Variants in SUCO observed in about 807,000 individuals in gnomAD.
The protein encoded by SUCO is SUN domain-containing ossification factor.
Under a neutral mutation model 148.1 loss-of-function variants are expected in SUCO, and 57 were observed. The observed-to-expected ratio is 0.38, with a 90% CI of 0.31 to 0.48. The LOEUF is 0.48. SUCO is among the 20% of genes least tolerant of loss of function. SUCO has a pLI of 0.96. For synonymous variants in SUCO, 470 were observed against 502.7 expected, an observed-to-expected ratio of 0.93 and a Z score of 0.87; for missense variants, 1,331 against 1,468.2, an observed-to-expected ratio of 0.91 and a Z score of 1.53.
At position 172,569,019 on chromosome 1, in the gene SUCO, A is replaced by G; in HGVS notation, c.733A>G (p.Ser245Gly). Residue 245 changes from serine to glycine, a missense_variant and splice_region_variant, in exon 7 of 24, where the codon AGC (serine) becomes GGC (glycine). Transcript: ENST00000263688. ...TCTTACTTTTTGGTGTTTCTTTCAG[A>G]GCTCTGATTATACAAAACCAGGAGA... Reference protein sequence around the residue: ...LNASDNLKNESSDYTKPGDID... With the variant: ...LNASDNLKNEGSDYTKPGDID... 1 of 1,562,940 alleles carries G rather than the reference A, an allele frequency of 6.4e-7. No individual in the cohort carries two copies. Among genetic ancestry groups the G allele is most frequent in the Admixed American group, 2.2e-5 (1 of 45,848 alleles).
chr1:172,546,030 ACT>A (rs1652834381), intron 1 of SUCO, among the ~76,000 whole-genome samples: 1 of 151,896 alleles, frequency 6.6e-6, no homozygotes, highest in Admixed American at 6.6e-5. Flanking sequence ...CTCCCTGGGA[ACT>A]GGTGATTTTC....
Position 172,610,344 on chromosome 1 carries a change from G to A in SUCO, c.*85G>A, listed in dbSNP as rs1571308297. The A allele has an allele frequency of 6.9e-7, 1 of 1,445,036 alleles. No homozygotes were observed. Among genetic ancestry groups the A allele is most frequent in the Non-Finnish European group, 9.1e-7 (1 of 1,097,598 alleles). The allele number at this position is 1,445,036 out of a possible 1,614,324, so 89.5% of individuals were successfully genotyped here. ...GTAGTATTTGAAGGGTTTGGGGGAGGGAGAAAATATTAATGGGAAAGGCAT... is the reference window on the plus strand; with the variant it reads ...GTAGTATTTGAAGGGTTTGGGGGAGAGAGAAAATATTAATGGGAAAGGCAT... On this transcript the variant is annotated 3_prime_UTR_variant, in exon 24 of 24. Coordinates refer to ENST00000263688, the MANE Select transcript of SUCO (RefSeq NM_014283.5).
rs943023449 is a variant in SUCO at position 172,611,098 on chromosome 1, C to A, written c.*839C>A. On this transcript the variant is annotated 3_prime_UTR_variant, in exon 24 of 24. Coordinates refer to ENST00000263688, the MANE Select transcript of SUCO (RefSeq NM_014283.5). ...AATAAACACTAATCCTCCAAACTTT[C>A]ACTGTTTTTATTAGTATGAATATAA... The A allele has an allele frequency of 1.3e-5, 2 of 152,600 alleles. No individual in the cohort carries two copies. The highest frequency in any genetic ancestry group is 2.9e-5 in the Non-Finnish European group (2 of 68,036). The allele number at this position is 152,600 out of a possible 1,614,324, so 9.5% of individuals were successfully genotyped here.
At chr1:172,559,226 A>T (rs983543813) in intron 6 of SUCO, among the ~76,000 whole-genome samples, 4 of 152,216 alleles carry the variant, frequency 2.6e-5, no homozygotes, top group African/African-American at 9.7e-5. Flanking sequence ...TAGACAGTGC[A>T]TTACAAAGTG....
At chr1:172,595,918 C>A (rs948184303) in intron 19 of SUCO, among the ~76,000 whole-genome samples, 1 of 152,212 alleles carries the variant, frequency 6.6e-6, no homozygotes, top group Non-Finnish European at 1.5e-5. Flanking sequence ...GTACACCATT[C>A]AAATGTAGAT....
At position 172,589,014 on chromosome 1, in the gene SUCO, C is replaced by T; in HGVS notation, c.1913C>T (p.Ser638Leu). The T allele has an allele frequency of 1.2e-6, 2 of 1,613,176 alleles. No individual in the cohort carries two copies. The highest frequency in any genetic ancestry group is 1.7e-6 in the Non-Finnish European group (2 of 1,179,628). ...TCAGAATACATATATAAATGGTGTT[C>T]AGTTAGAGTTGCTCTTTATCGGCAG... ...SFSEYIYKWCSVRVALYRQRS... is the reference protein window; with the variant it reads ...SFSEYIYKWCLVRVALYRQRS... Residue 638 changes from serine (S) to leucine (L), a missense_variant, in exon 18 of 24, where the codon TCA (serine) becomes TTA (leucine). This residue lies in a region of SUCO where 992 missense variants were observed against 1,093.5 expected (regional missense o/e 0.91). Transcript: ENST00000263688.
Position 172,553,412 on chromosome 1 carries a change from A to G in SUCO, c.288+42A>G, listed in dbSNP as rs777571360. On this transcript the variant is annotated intron_variant, in intron 3 of 23. Coordinates refer to ENST00000263688, the MANE Select transcript of SUCO (RefSeq NM_014283.5). ...TGATTTTCAATAATATGTCATTTCAAACTACTTTACAAGATTGAAAACCTT... is the reference window on the plus strand; with the variant it reads ...TGATTTTCAATAATATGTCATTTCAGACTACTTTACAAGATTGAAAACCTT... The G allele has an allele frequency of 7.8e-6, 11 of 1,405,484 alleles. No homozygotes were observed. In the South Asian group the frequency reaches 1.4e-4, roughly 18 times the overall value. 87.1% of individuals were successfully genotyped at this position (1,405,484 alleles called of 1,614,324 possible).
upstream of SUCO, chr1:172,533,037 A>T (rs1651708147): frequency 4.2e-6 from 6 of 1,433,922 alleles, no homozygotes; most frequent in Non-Finnish European, 4.5e-6. Flanking sequence ...TTTCCAGCTC[A>T]GCGGTGTGTG....
chr1:172,603,099 T>C lies in SUCO; in HGVS notation c.3265+312T>C, dbSNP rs1657639651. 5 of 235,284 alleles carry C rather than the reference T, an allele frequency of 2.1e-5. No homozygotes were observed. In the South Asian group the frequency reaches 3.9e-4, roughly 18 times the overall value. The allele number at this position is 235,284 out of a possible 1,614,324, so 14.6% of individuals were successfully genotyped here. A position where few individuals can be genotyped will look rare whatever the true frequency, so the allele number is the denominator to read the frequency against. On this transcript the variant is annotated intron_variant, in intron 22 of 23. Coordinates refer to ENST00000263688, the MANE Select transcript of SUCO (RefSeq NM_014283.5). ...GAAAGTTCAACAGATATGGAAAACC[T>C]GAATGTGCTCCCATAGCATCCTGTG...
intron 6 of SUCO, among the ~76,000 whole-genome samples, chr1:172,559,803 T>C (rs12731130): frequency 0.19 from 28,485 of 152,116 alleles, 3,133 homozygotes; most frequent in South Asian, 0.27. Context: ...GGTGTTGCTG[T>C]GGCAGTGGTA....
intron 1 of SUCO, chr1:172,541,807 C>T (rs1652477834): frequency 2.1e-6 from 2 of 969,540 alleles, no homozygotes; most frequent in East Asian, 1.1e-4. Flanking sequence ...TTTCTTGGAG[C>T]ACACTGTCAC....
intron 1 of SUCO, among the ~76,000 whole-genome samples, chr1:172,536,426 A>G (rs1225104703): frequency 6.6e-6 from 1 of 152,216 alleles, no homozygotes; most frequent in African/African-American, 2.4e-5. Flanking sequence ...AATAATACAA[A>G]TGACAGATCT....
rs750827149 is a variant in SUCO, at chr1:172,557,658, A to G, written c.596A>G (p.His199Arg). The G allele has an allele frequency of 3.7e-6, 6 of 1,601,114 alleles. No homozygotes were observed. The South Asian group carries it at 5.7e-5, about 15-fold the overall frequency. The change falls in exon 6 of 24, where the codon CAT (histidine) becomes CGT (arginine). Residue 199 changes from histidine to arginine, a missense_variant. Transcript: ENST00000263688. ...VSPPDSLVGQ[H>R]IENVSSSHGK... ...GTTTTAAACAGCCTTGTTGGCCAGCATATAGAAAATGTATCATCTTCACAT... is the reference window on the plus strand; with the variant it reads ...GTTTTAAACAGCCTTGTTGGCCAGCGTATAGAAAATGTATCATCTTCACAT...
At chr1:172,594,563 G>T (rs966861072) in intron 19 of SUCO, among the ~76,000 whole-genome samples, 27 of 152,262 alleles carry the variant, frequency 1.8e-4, no homozygotes, top group African/African-American at 6.5e-4. Flanking sequence ...GGAGCAGATT[G>T]TTCAGTTTCC....
intron 1 of SUCO, among the ~76,000 whole-genome samples, chr1:172,534,171 C>T (rs1651841313): frequency 6.6e-6 from 1 of 152,040 alleles, no homozygotes; most frequent in South Asian, 2.1e-4. Flanking sequence ...ATTTTCAAGG[C>T]GGGAAGAGTG....
chr1:172,605,342 TATAAG>T (rs1657801616), intron 22 of SUCO, among the ~76,000 whole-genome samples: 1 of 151,926 alleles, frequency 6.6e-6, no homozygotes, highest in Admixed American at 6.6e-5. Context: ...TTGTATATAG[TATAAG>T]ATAAGGGTCC....
At chr1:172,544,719 G>A (rs1652734108) in intron 1 of SUCO, among the ~76,000 whole-genome samples, 1 of 152,166 alleles carries the variant, frequency 6.6e-6, no homozygotes, top group South Asian at 2.1e-4. Context: ...GAAAGGCAGG[G>A]AGAGTGACAG....
chr1:172,546,849 G>A (rs1032552914), intron 1 of SUCO, among the ~76,000 whole-genome samples: 3 of 152,190 alleles, frequency 2.0e-5, no homozygotes, highest in African/African-American at 7.2e-5. Context: ...GGGGGAGGCC[G>A]CAGTGAGCTG....
rs1328120403 is a variant in SUCO, at chr1:172,571,699, C to T, written c.1049+969C>T. Among the ~76,000 whole-genome samples, 3 of 101,000 alleles carry T rather than the reference C, an allele frequency of 3.0e-5. No homozygotes were observed. In the South Asian group the frequency reaches 1.2e-3, roughly 40 times the overall value. 66.3% of individuals were successfully genotyped at this position (101,000 alleles called of 152,430 possible). ...CCATCGTCTGAGATGTGGGGAGCGC[C>T]TCTGCCCCGCCGCCCCGTCTGGGAT... On this transcript the variant is annotated intron_variant, in intron 9 of 23. Coordinates refer to ENST00000263688, the MANE Select transcript of SUCO (RefSeq NM_014283.5).
Sources: gnomAD v4.1 joint callset for allele counts (sites outside exome capture counted in the v4.1 genomes callset) on GRCh38, gnomAD v4.1.1 for gene constraint, gnomAD v4.1.1 regional missense constraint, MANE v1.5 for transcripts, NCBI Gene and HGNC (gene_info 2026-07-23, HGNC 2026-07-21) for gene names.